The following CLECL1 variants were observed in gnomAD, a reference collection of about 807,000 sequenced individuals.
CLECL1 encodes C-type lectin-like domain family 1.
At chr12:9,717,243 T>C (rs1866249135) in intron 2 of CLECL1, among the ~76,000 whole-genome samples, 1 of 152,186 alleles carries the variant, frequency 6.6e-6, no homozygotes, top group Non-Finnish European at 1.5e-5. Context: ...ACCCCGTCTG[T>C]ACTAAAAATA....
At chr12:9,702,384 TTCTC>T in the CLECL1 span, among the ~76,000 whole-genome samples, 1 of 152,202 alleles carries the variant, frequency 6.6e-6, no homozygotes. Flanking sequence ...TTTTCTTTCT[TTCTC>T]TGTCACTCTG....
chr12:9,711,756 C>A (rs1866202667), downstream of CLECL1, among the ~76,000 whole-genome samples: 1 of 152,056 alleles, frequency 6.6e-6, no homozygotes, highest in African/African-American at 2.4e-5. Flanking sequence ...TCTGTGCTTA[C>A]TTCCTAGGCA....
chr12:9,719,966 G>C (rs1183401147), downstream of CLECL1, among the ~76,000 whole-genome samples: 5 of 152,144 alleles, frequency 3.3e-5, no homozygotes, highest in Non-Finnish European at 7.3e-5. Context: ...TCTTCCAGCA[G>C]CATTCTCTTT....
chr12:9,719,317 G>T (rs149027519), downstream of CLECL1, among the ~76,000 whole-genome samples: 939 of 152,272 alleles, frequency 6.2e-3, 4 homozygotes, highest in South Asian at 9.9e-3. Flanking sequence ...ACAAGGTCAG[G>T]AGATCGAGAC....
At chr12:9,719,741 C>A (rs931931011), downstream of CLECL1, among the ~76,000 whole-genome samples, 6 of 152,090 alleles carry the variant, frequency 3.9e-5, no homozygotes, top group Non-Finnish European at 7.4e-5. Context: ...AAAAATACAA[C>A]CAAACTAAAA....
downstream of CLECL1, among the ~76,000 whole-genome samples, chr12:9,713,597 C>T (rs560679895): frequency 1.5e-4 from 23 of 152,364 alleles, no homozygotes; most frequent in African/African-American, 5.5e-4. Flanking sequence ...TCTCTTCCCT[C>T]ATTTCCCCCA....
downstream of CLECL1, among the ~76,000 whole-genome samples, chr12:9,715,575 A>G (rs984013211): frequency 2.0e-5 from 3 of 152,320 alleles, no homozygotes; most frequent in Middle Eastern, 3.4e-3. Flanking sequence ...GACCTGATGT[A>G]TGCACTGAAG....
intron 3 of CLECL1, among the ~76,000 whole-genome samples, chr12:9,726,540 CAA>C (rs1205858318): frequency 3.3e-5 from 5 of 151,870 alleles, no homozygotes; most frequent in African/African-American, 9.7e-5. Flanking sequence ...CAGAAGGAAA[CAA>C]AGAGAAATTA....
chr12:9,732,736 C>A (rs2121070260), intron 1 of CLECL1, among the ~76,000 whole-genome samples: 1 of 152,278 alleles, frequency 6.6e-6, no homozygotes, highest in East Asian at 1.9e-4. Context: ...AAAACAGAAG[C>A]AAAGTTCTAC....
intron 2 of CLECL1, among the ~76,000 whole-genome samples, chr12:9,729,590 C>T (rs1310863614): frequency 6.6e-6 from 1 of 151,868 alleles, no homozygotes; most frequent in African/African-American, 2.4e-5. Flanking sequence ...TAATTACTTA[C>T]CCAAAATATT....
downstream of CLECL1, among the ~76,000 whole-genome samples, chr12:9,718,170 AC>A (rs1866260190): frequency 6.6e-6 from 1 of 152,122 alleles, no homozygotes; most frequent in African/African-American, 2.4e-5. Flanking sequence ...TTTGAGATAT[AC>A]ATTTTGTATG....
chr12:9,704,064 G>A, the CLECL1 span: 1 of 152,228 alleles, frequency 6.6e-6, no homozygotes, highest in Middle Eastern at 3.4e-3. Flanking sequence ...GTTAAACAAT[G>A]TGTTAACATT....
chr12:9,729,707 C>T lies in CLECL1; in HGVS notation n.83-31G>A, dbSNP rs1591720101. ...AAATTGAATAGATTTCACTAGTAAACCCAGCAGGTAGCTCCTTAGATGGTG... is the reference window on the plus strand; with the variant it reads ...AAATTGAATAGATTTCACTAGTAAATCCAGCAGGTAGCTCCTTAGATGGTG... On this transcript the variant is annotated intron_variant and non_coding_transcript_variant, in intron 1 of 3. Coordinates refer to ENST00000621400, the Ensembl canonical transcript of CLECL1. Among the ~76,000 whole-genome samples, 4 of 152,152 alleles carry T rather than the reference C, an allele frequency of 2.6e-5. No homozygotes were observed. In the South Asian group the frequency reaches 8.3e-4, roughly 32 times the overall value.
chr12:9,708,053 G>C, the CLECL1 span, among the ~76,000 whole-genome samples: 2 of 152,292 alleles, frequency 1.3e-5, no homozygotes, highest in East Asian at 1.9e-4. Flanking sequence ...GCCCACAGCA[G>C]GCAAAGGCCA....
chr12:9,716,722 C>T (rs1330396887), exon 3 of CLECL1: 2 of 1,241,608 alleles, frequency 1.6e-6, no homozygotes, highest in African/African-American at 1.6e-5. Flanking sequence ...CCTCTGTCTC[C>T]TCAGCACTGA....
the CLECL1 span, among the ~76,000 whole-genome samples, chr12:9,709,987 C>G: frequency 6.6e-6 from 1 of 152,144 alleles, no homozygotes; most frequent in Non-Finnish European, 1.5e-5. Flanking sequence ...CCCCACAAAC[C>G]CTAGAATTCC....
downstream of CLECL1, among the ~76,000 whole-genome samples, chr12:9,711,505 A>G (rs1866200263): frequency 2.0e-5 from 1 of 49,820 alleles, no homozygotes; most frequent in Non-Finnish European, 4.1e-5. Flanking sequence ...TCAGAGAGTA[A>G]GTTATTTAAA....
At chr12:9,706,712 A>C in the CLECL1 span, among the ~76,000 whole-genome samples, 1 of 152,212 alleles carries the variant, frequency 6.6e-6, no homozygotes, top group East Asian at 1.9e-4. Flanking sequence ...AGCCGACTTG[A>C]TCGTGGTGAA....
At chr12:9,729,910 G>A (rs10844620) in intron 1 of CLECL1, among the ~76,000 whole-genome samples, 47,489 of 151,550 alleles carry the variant, frequency 0.31, 7,841 homozygotes, top group South Asian at 0.46. Flanking sequence ...ATATTCCCCA[G>A]TATTGATCTT....
Sources: allele counts gnomAD v4.1 joint callset (sites outside exome capture counted in the v4.1 genomes callset), GRCh38; gene constraint gnomAD v4.1.1; transcripts MANE v1.5; gene names NCBI Gene and HGNC (gene_info 2026-07-23, HGNC 2026-07-21).